Variants in DHRS11 observed in about 807,000 individuals in gnomAD.
DHRS11 encodes dehydrogenase/reductase SDR family member 11.
In DHRS11, 18 loss-of-function variants were observed where a neutral mutation model predicts 30.7. The observed-to-expected ratio is 0.59, with a 90% CI of 0.41 to 0.87. DHRS11 has a LOEUF of 0.87. DHRS11 is among the 40% of genes least tolerant of loss of function. The probability of loss-of-function intolerance (pLI) is 0.00; values close to 1 mark genes in which losing one functional copy is unlikely to be tolerated. For missense variants in DHRS11, 300 were observed against 349.0 expected, an observed-to-expected ratio of 0.86 and a Z score of 1.12; for synonymous variants, 123 against 139.6, an observed-to-expected ratio of 0.88 and a Z score of 0.84.
Position 36,599,059 on chromosome 17 carries a change from G to T in DHRS11, c.582+9G>T. ...CCCACATCCGAGCCACGGTGAGGCT[G>T]TGGCCTAGCCCTGGTGGGCACAGGG... On this transcript the variant is annotated intron_variant, in intron 4 of 6. Coordinates refer to ENST00000618403, the MANE Select transcript of DHRS11 (RefSeq NM_024308.4). 1 of 1,610,336 alleles carries T rather than the reference G, an allele frequency of 6.2e-7. No individual in the cohort carries two copies. The highest frequency in any genetic ancestry group is 8.5e-7 in the Non-Finnish European group (1 of 1,179,756).
chr17:36,600,411 T>A lies in DHRS11; in HGVS notation c.*208T>A. 1 of 639,700 alleles carries A rather than the reference T, an allele frequency of 1.6e-6. No individual in the cohort carries two copies. The highest frequency in any genetic ancestry group is 2.7e-6 in the Non-Finnish European group (1 of 370,524). The allele number at this position is 639,700 out of a possible 1,614,324, so 39.6% of individuals were successfully genotyped here. A position where few individuals can be genotyped will look rare whatever the true frequency, so the allele number is the denominator to read the frequency against. On this transcript the variant is annotated 3_prime_UTR_variant, in exon 7 of 7. Transcript: ENST00000618403. ...AATGGGCTGGGGAAAGGAGGTGGTG[T>A]CCCTAATTGTTTTACTTGTTAACTT... is the stretch of plus-strand genomic sequence containing the variant.
Position 36,600,007 on chromosome 17 carries a change from C to T in DHRS11, c.711C>T (p.Ile237=). 2 of 1,613,848 alleles carry T rather than the reference C, an allele frequency of 1.2e-6. No individual in the cohort carries two copies. Among genetic ancestry groups the T allele is most frequent in the Non-Finnish European group, 1.7e-6 (2 of 1,179,926 alleles). Residue 237 remains isoleucine (I), a synonymous_variant, in exon 6 of 7, where the codon ATC becomes ATT. Coordinates refer to ENST00000618403, the MANE Select transcript of DHRS11 (RefSeq NM_024308.4). ...LKPEDVAEAV[I]YVLSTPAHIQ... Reference sequence around the variant, plus strand: ...CCGAGGATGTGGCCGAGGCTGTTATCTACGTCCTCAGCACCCCCGCACACA... The same window carrying T: ...CCGAGGATGTGGCCGAGGCTGTTATTTACGTCCTCAGCACCCCCGCACACA...
chr17:36,599,617 TC>T, intron 4 of DHRS11, 53 bp from the exon 5 acceptor site: 1 of 1,590,784 alleles, frequency 6.3e-7, no homozygotes, highest in Non-Finnish European at 8.6e-7. Flanking sequence ...CCCCTCGACC[TC>T]CCCAAGACCT....
At chr17:36,598,129 G>A (rs541527772) in intron 2 of DHRS11, 34 bp from the exon 3 acceptor site, 2 of 1,608,876 alleles carry the variant, frequency 1.2e-6, no homozygotes, top group Admixed American at 1.7e-5. Flanking sequence ...TTGGGCCGGA[G>A]TGGAGACACC....
chr17:36,596,839 C>A, intron 2 of DHRS11: 1 of 470,898 alleles, frequency 2.1e-6, no homozygotes, highest in Non-Finnish European at 4.4e-6. Flanking sequence ...AGACTTAGCA[C>A]CTCACAGATG....
Position 36,599,034 on chromosome 17 carries a change from C to T in DHRS11, c.566C>T (p.Thr189Ile), listed in dbSNP as rs968169781. The T allele has an allele frequency of 3.7e-6, 6 of 1,612,248 alleles. No individual in the cohort carries two copies. The highest frequency in any genetic ancestry group is 5.1e-6 in the Non-Finnish European group (6 of 1,179,974). The change falls in exon 4 of 7, where the codon ACC (threonine) becomes ATC (isoleucine). Residue 189 changes from threonine to isoleucine, a missense_variant. Physicochemically the swap from Thr to Ile is moderately conservative, Grantham distance 89. Coordinates refer to ENST00000618403, the MANE Select transcript of DHRS11 (RefSeq NM_024308.4). ...AGGCAAGAGCTTCGGGAGGCCCAGA[C>T]CCACATCCGAGCCACGGTGAGGCTG... ...GLRQELREAQ[T>I]HIRATCISPG...
At chr17:36,598,426 T>C in intron 3 of DHRS11, 169 bp downstream of exon 3, 1 of 685,798 alleles carries the variant, frequency 1.5e-6, no homozygotes, top group Non-Finnish European at 2.4e-6. Context: ...TACCAGCCCC[T>C]GGTTGGCTGG....
Position 36,599,954 on chromosome 17 carries a change from T to G in DHRS11, c.676-18T>G, listed in dbSNP as rs2074844175. On this transcript the variant is annotated intron_variant, in intron 5 of 6. Coordinates refer to ENST00000618403, the MANE Select transcript of DHRS11 (RefSeq NM_024308.4). The stretch of plus-strand genomic sequence containing the variant: ...TCCATTCTGTCCTTGTCTCAACCCA[T>G]TCCCCTGGTGCTCTCAGTGTCTCAA... The G allele has an allele frequency of 6.2e-7, 1 of 1,613,014 alleles. No homozygotes were observed. The highest frequency in any genetic ancestry group is 8.5e-7 in the Non-Finnish European group (1 of 1,179,632).
intron 1 of DHRS11, among the ~76,000 whole-genome samples, chr17:36,593,678 C>T (rs1322739591): frequency 3.3e-5 from 5 of 152,224 alleles, no homozygotes; most frequent in Non-Finnish European, 7.3e-5. Flanking sequence ...TTTGAACTCA[C>T]AGAAAGTCAA....
chr17:36,595,200 A>G lies in DHRS11; in HGVS notation c.357+20A>G, dbSNP rs1416034228. 2 of 1,612,174 alleles carry G rather than the reference A, an allele frequency of 1.2e-6. No homozygotes were observed. Among genetic ancestry groups the G allele is most frequent in the African/African-American group, 1.3e-5 (1 of 74,860 alleles). ...TTCAATGTAAGAGCTCCAAGCCTCC[A>G]TCTTCCAGGTGGAGGGTGGGGAGGA... is the stretch of plus-strand genomic sequence containing the variant. On this transcript the variant is annotated intron_variant, in intron 2 of 6. Coordinates refer to ENST00000618403, the MANE Select transcript of DHRS11 (RefSeq NM_024308.4).
chr17:36,595,004 C>T lies in DHRS11; in HGVS notation c.181C>T (p.Pro61Ser). 5 of 1,614,190 alleles carry T rather than the reference C, an allele frequency of 3.1e-6. No individual in the cohort carries two copies. Among genetic ancestry groups the T allele is most frequent in the Non-Finnish European group, 4.2e-6 (5 of 1,180,030 alleles). The change falls in exon 2 of 7, where the codon CCC becomes TCC. Residue 61 changes from proline to serine, a missense_variant. Physicochemically the swap from Pro to Ser is moderately conservative, Grantham distance 74. Coordinates refer to ENST00000618403, the MANE Select transcript of DHRS11 (RefSeq NM_024308.4). ...LAAECKSAGY[P>S]GTLIPYRCDL... ...TGCTGAATGTAAGAGTGCAGGCTAC[C>T]CCGGGACTTTGATCCCCTACAGATG...
chr17:36,597,919 C>A lies in DHRS11; in HGVS notation c.358-244C>A, dbSNP rs536600232. 1.0e-5 allele frequency: 6 copies of A among 580,598 alleles called. No homozygotes were observed. In the Admixed American group the frequency reaches 1.9e-4, roughly 18 times the overall value. 36.0% of individuals were successfully genotyped at this position (580,598 alleles called of 1,614,324 possible). A position where few individuals can be genotyped will look rare whatever the true frequency, so the allele number is the denominator to read the frequency against. The stretch of plus-strand genomic sequence containing the variant: ...TTTGAAGGGTTTCCATTCTTGTTTG[C>A]AGGAACTTGGGGGGTCAGCCAGGTG... On this transcript the variant is annotated intron_variant, in intron 2 of 6. Transcript: ENST00000618403.
Position 36,600,694 on chromosome 17 carries a change from G to T in DHRS11, c.*491G>T. On this transcript the variant is annotated 3_prime_UTR_variant, in exon 7 of 7. Transcript: ENST00000618403. ...CTCCCCAGCCCAGTCTTGGCTTCTT[G>T]TCCCCTCCTGGGGTCATCCCTCCAC... The T allele has an allele frequency of 5.0e-6, 1 of 198,520 alleles. No homozygotes were observed. Among genetic ancestry groups the T allele is most frequent in the Non-Finnish European group, 1.0e-5 (1 of 96,360 alleles). 12.3% of individuals were successfully genotyped at this position (198,520 alleles called of 1,614,324 possible).
At chr17:36,598,869 G>T in intron 3 of DHRS11, 52 bp from the exon 4 acceptor site, 2 of 1,567,132 alleles carry the variant, frequency 1.3e-6, no homozygotes, top group South Asian at 1.2e-5. Context: ...GAGCACCACT[G>T]GTCTCCCTGG....
chr17:36,598,691 A>C (rs578135227), intron 3 of DHRS11: 5 of 557,182 alleles, frequency 9.0e-6, no homozygotes, highest in East Asian at 3.0e-5. Context: ...CCACCAGGAG[A>C]GTGCATTCTG....
chr17:36,599,469 C>T, intron 4 of DHRS11: 1 of 596,540 alleles, frequency 1.7e-6, no homozygotes, highest in South Asian at 2.1e-5. Flanking sequence ...AAAACGTTTA[C>T]CTGACATATA....
At chr17:36,596,686 C>T in intron 2 of DHRS11, 2 of 445,110 alleles carry the variant, frequency 4.5e-6, no homozygotes, top group Non-Finnish European at 9.4e-6. Flanking sequence ...ACAGGCCAAA[C>T]CCAACTTTCA....
Position 36,600,010 on chromosome 17 carries a change from C to T in DHRS11, c.714C>T (p.Tyr238=), listed in dbSNP as rs773255570. ...AGGATGTGGCCGAGGCTGTTATCTA[C>T]GTCCTCAGCACCCCCGCACACATCC... ...KPEDVAEAVI[Y]VLSTPAHIQI... is the part of the protein sequence containing the mutation. The change falls in exon 6 of 7, where the codon TAC becomes TAT. Residue 238 remains tyrosine (Y), a synonymous_variant. Transcript: ENST00000618403. 7.2e-5 allele frequency: 116 copies of T among 1,613,684 alleles called. No homozygotes were observed. Among genetic ancestry groups the T allele is most frequent in the Non-Finnish European group, 8.4e-5 (99 of 1,179,938 alleles).
rs546352713 is a variant in DHRS11, at chr17:36,592,823, G to A, written c.147+667G>A. Among the ~76,000 whole-genome samples the A allele has an allele frequency of 1.3e-5, 2 of 152,226 alleles. No homozygotes were observed. The highest frequency in any genetic ancestry group is 3.9e-4 in the East Asian group (2 of 5,172). Reference sequence around the variant, plus strand: ...AAGATGGCCATTTTGGAGCAGGGAGGAATTTCTGTGCTAGGCTCTCTCTGG... The same window carrying A: ...AAGATGGCCATTTTGGAGCAGGGAGAAATTTCTGTGCTAGGCTCTCTCTGG... On this transcript the variant is annotated intron_variant, in intron 1 of 6. Transcript: ENST00000618403. This position sits in a 1 kb window ranked among gnomAD's most constrained non-coding sequence, Gnocchi z 4.4.
Sources: allele counts gnomAD v4.1 joint callset (sites outside exome capture counted in the v4.1 genomes callset), GRCh38; gene constraint gnomAD v4.1.1; non-coding constraint Gnocchi (gnomAD v3.1); transcripts MANE v1.5; gene names NCBI Gene and HGNC (gene_info 2026-07-23, HGNC 2026-07-21).